ATP8B4: variants seen among roughly 807,000 people sequenced by gnomAD.
The protein encoded by ATP8B4 is probable phospholipid-transporting ATPase IM.
ATP8B4 carries 133 observed loss-of-function variants against 145.6 expected under a neutral mutation model. The observed-to-expected ratio is 0.91, with a 90% CI of 0.79 to 1.05. The LOEUF is 1.05. Ranked by LOEUF, ATP8B4 falls within the 50% of genes least tolerant of loss-of-function variation. The pLI is 0.00. For synonymous variants in ATP8B4, 507 were observed against 492.9 expected (o/e 1.03, Z -0.38); for missense variants, 1,458 against 1,425.2 (o/e 1.02, Z -0.37).
chr15:49,968,040 G>A (rs1358336201), intron 13 of ATP8B4, among the ~76,000 whole-genome samples: 1 of 152,100 alleles, frequency 6.6e-6, no homozygotes, highest in Non-Finnish European at 1.5e-5. Flanking sequence ...CATAAGTGAA[G>A]GAGAAATAAA....
chr15:49,884,942 T>C (rs991584572), intron 23 of ATP8B4, among the ~76,000 whole-genome samples: 35 of 152,168 alleles, frequency 2.3e-4, no homozygotes, highest in African/African-American at 8.4e-4. Context: ...CCCCCACTGG[T>C]CTGTGGAAAA....
At chr15:50,167,220 T>A (rs2044608634) in intron 1 of ATP8B4, among the ~76,000 whole-genome samples, 1 of 152,230 alleles carries the variant, frequency 6.6e-6, no homozygotes, top group Admixed American at 6.5e-5. Flanking sequence ...TTCCTAGGGC[T>A]ACTGTAACAA....
At chr15:49,988,421 G>A (rs908739717) in intron 9 of ATP8B4, among the ~76,000 whole-genome samples, 9 of 151,900 alleles carry the variant, frequency 5.9e-5, no homozygotes, top group Non-Finnish European at 1.2e-4. Flanking sequence ...GTACAAAGAC[G>A]TGAAAGAACA....
chr15:50,127,667 AT>A (rs1381730463), intron 1 of ATP8B4, among the ~76,000 whole-genome samples: 1 of 152,218 alleles, frequency 6.6e-6, no homozygotes, highest in Non-Finnish European at 1.5e-5. Flanking sequence ...AGCTTGTGCT[AT>A]AATACCGATT....
chr15:49,900,117 T>C (rs1215724990), intron 21 of ATP8B4, among the ~76,000 whole-genome samples: 1 of 152,200 alleles, frequency 6.6e-6, no homozygotes, highest in Admixed American at 6.5e-5. Flanking sequence ...GTTACTGTTC[T>C]TCTGTGCATA....
In ATP8B4 at chr15:49,860,462, T is replaced by G; in HGVS notation, c.3311A>C (p.Gln1104Pro). ...PTLSDQIRRWQKAQKKARPPS... is the reference protein window; with the variant it reads ...PTLSDQIRRWPKAQKKARPPS... Reference sequence around the variant, plus strand: ...AGGCCTTGCCTTCTTTTGAGCCTTCTGCCACCGGCGGATCTGGAGAGAAAC... The same window carrying G: ...AGGCCTTGCCTTCTTTTGAGCCTTCGGCCACCGGCGGATCTGGAGAGAAAC... The change falls in exon 28 of 28, where the codon CAG becomes CCG. Residue 1104 changes from glutamine to proline, a missense_variant. Transcript: ENST00000284509. 6.2e-7 allele frequency: 1 copy of G among 1,610,676 alleles called. No homozygotes were observed. The highest frequency in any genetic ancestry group is 1.1e-5 in the South Asian group (1 of 90,594).
intron 3 of ATP8B4, among the ~76,000 whole-genome samples, chr15:50,061,759 T>C (rs941312176): frequency 2.6e-5 from 4 of 152,092 alleles, no homozygotes; most frequent in African/African-American, 7.2e-5. Context: ...ATAGTGCAAG[T>C]TGGGAAGTTT....
intron 1 of ATP8B4, among the ~76,000 whole-genome samples, chr15:50,124,467 G>C (rs1315310898): frequency 6.6e-6 from 1 of 152,134 alleles, no homozygotes; most frequent in Non-Finnish European, 1.5e-5. Context: ...ATGCAAACAA[G>C]AAGTTAGAAG....
At chr15:50,120,848 G>C (rs961780784), upstream of ATP8B4, among the ~76,000 whole-genome samples, 3 of 152,186 alleles carry the variant, frequency 2.0e-5, no homozygotes, top group Admixed American at 6.5e-5. Context: ...GTTTAGTTCT[G>C]TCTCCACCAG....
At chr15:50,048,848 T>C (rs1180608821) in intron 3 of ATP8B4, among the ~76,000 whole-genome samples, 2 of 152,176 alleles carry the variant, frequency 1.3e-5, no homozygotes, top group Non-Finnish European at 2.9e-5. Context: ...ATACAACCTT[T>C]CTGGGGTGGC....
rs1167751941 is a variant in ATP8B4 at position 49,963,040 on chromosome 15, A to C, written c.1244-1020T>G. Among the ~76,000 whole-genome samples the C allele has an allele frequency of 2.6e-5, 4 of 152,290 alleles. No homozygotes were observed. The East Asian group carries it at 5.8e-4, about 22-fold the overall frequency. On this transcript the variant is annotated intron_variant, in intron 13 of 27. Transcript: ENST00000284509. ...ATCTGACAAAGGTCTAATATCCAGA[A>C]TCTACAAGGAACTTAAACAAATTTA...
At position 49,865,259 on chromosome 15, in the gene ATP8B4, T is replaced by C. The variant is rs146502042; in HGVS notation, c.3166+1087A>G. The stretch of plus-strand genomic sequence containing the variant: ...CAAAGAGTTCCTAGATAGCTGAACA[T>C]GTAGAGGTTCCTGGAGGGCAGCATG... On this transcript the variant is annotated intron_variant, in intron 26 of 27. Transcript: ENST00000284509. Among the ~76,000 whole-genome samples the C allele has an allele frequency of 4.9e-4, 74 of 152,308 alleles. 1 individual carries two copies. The East Asian group carries it at 0.014, about 29-fold the overall frequency.
chr15:49,859,598 T>C lies in ATP8B4; in HGVS notation c.*596A>G, dbSNP rs1394219742. On this transcript the variant is annotated 3_prime_UTR_variant, in exon 28 of 28. Transcript: ENST00000284509. Reference sequence around the variant, plus strand: ...CTTTGTCCCTAGACTGGTATAAAAATGAGAAACACAAGCACACTTTTGTAT... The same window carrying C: ...CTTTGTCCCTAGACTGGTATAAAAACGAGAAACACAAGCACACTTTTGTAT... 1 of 152,304 alleles carries C rather than the reference T, an allele frequency of 6.6e-6. No individual in the cohort carries two copies. Among genetic ancestry groups the C allele is most frequent in the Non-Finnish European group, 1.5e-5 (1 of 68,122 alleles). The allele number at this position is 152,304 out of a possible 1,614,324, so 9.4% of individuals were successfully genotyped here.
At position 50,044,666 on chromosome 15, in the gene ATP8B4, G is replaced by A. The variant is rs1215118117; in HGVS notation, c.228C>T (p.Thr76=). 4 of 1,612,690 alleles carry A rather than the reference G, an allele frequency of 2.5e-6. No homozygotes were observed. Among genetic ancestry groups the A allele is most frequent in the Non-Finnish European group, 3.4e-6 (4 of 1,179,208 alleles). The change falls in exon 5 of 28, where the codon ACC becomes ACT. Residue 76 remains threonine (T), a synonymous_variant. Coordinates refer to ENST00000284509, the MANE Select transcript of ATP8B4 (RefSeq NM_024837.4). ...CCAAAGGCACAATGGTGGTAAACCA[G>A]GTCAAGGAGGAAATTTCTGGAATTA... ...LQLIPEISSL[T]WFTTIVPLVL... is the part of the protein sequence containing the mutation.
rs552000365 is a variant in ATP8B4, at chr15:49,884,174, T to C, written c.2698-4715A>G. Among the ~76,000 whole-genome samples, 3 of 152,248 alleles carry C rather than the reference T, an allele frequency of 2.0e-5. No individual in the cohort carries two copies. In the South Asian group the frequency reaches 6.2e-4, roughly 32 times the overall value. ...TTCCTAAGATAATAAATATTGATAG[T>C]GGGGTCCTGAGATCACAAAGTTTGA... On this transcript the variant is annotated intron_variant, in intron 23 of 27. Transcript: ENST00000284509.
chr15:49,868,565 T>C (rs1406351890), intron 25 of ATP8B4, among the ~76,000 whole-genome samples: 1 of 152,206 alleles, frequency 6.6e-6, no homozygotes, highest in Non-Finnish European at 1.5e-5. Flanking sequence ...ATGAGGGCAG[T>C]ATTAATTTGG....
intron 16 of ATP8B4, among the ~76,000 whole-genome samples, chr15:49,927,124 T>C (rs902993964): frequency 6.6e-6 from 1 of 152,182 alleles, no homozygotes; most frequent in African/African-American, 2.4e-5. Context: ...AACTATATAA[T>C]GTCATTTATA....
chr15:50,172,136 G>A (rs554000361), intron 1 of ATP8B4, among the ~76,000 whole-genome samples: 1 of 152,166 alleles, frequency 6.6e-6, no homozygotes, highest in Non-Finnish European at 1.5e-5. Context: ...AAAAGAATTG[G>A]TCTCCCTCTC....
At position 50,021,103 on chromosome 15, in the gene ATP8B4, G is replaced by A. The variant is rs577051269; in HGVS notation, c.363-10186C>T. ...TGTGCATGTGTGTCTGAAAATCCAT[G>A]AGTGATGGTGATTATGATAGATAGA... On this transcript the variant is annotated intron_variant, in intron 6 of 27. Coordinates refer to ENST00000284509, the MANE Select transcript of ATP8B4 (RefSeq NM_024837.4). Among the ~76,000 whole-genome samples the A allele has an allele frequency of 1.3e-3, 199 of 151,484 alleles. 1 individual carries two copies. Among genetic ancestry groups the A allele is most frequent in the African/African-American group, 4.7e-3 (193 of 41,224 alleles).
Sources: gnomAD v4.1 joint callset for allele counts (sites outside exome capture counted in the v4.1 genomes callset) on GRCh38, gnomAD v4.1.1 for gene constraint, MANE v1.5 for transcripts, NCBI Gene and HGNC (gene_info 2026-07-23, HGNC 2026-07-21) for gene names.